The following ZNF804B variants were observed in gnomAD, a reference collection of about 807,000 sequenced individuals.
ZNF804B encodes the protein zinc finger 804B.
ZNF804B carries 80 observed loss-of-function variants against 101.4 expected under a neutral mutation model. The observed-to-expected ratio is 0.79, with a 90% CI of 0.66 to 0.95. The LOEUF (loss-of-function observed/expected upper bound fraction) is 0.95, where lower values mean the gene tolerates loss of function less well. Among genes scored for constraint, ZNF804B ranks in the 40% least tolerant of loss-of-function variants. ZNF804B has a pLI of 0.00. For missense variants in ZNF804B, 1,673 were observed against 1,561.9 expected (o/e 1.07, Z -1.20); for synonymous variants, 622 against 558.8 (o/e 1.11, Z -1.59).
At chr7:88,990,731 T>C (rs1220265190) in intron 1 of ZNF804B, among the ~76,000 whole-genome samples, 2 of 152,154 alleles carry the variant, frequency 1.3e-5, no homozygotes, top group African/African-American at 4.8e-5. Flanking sequence ...TTAATATCTA[T>C]ATTTTGCCAT....
At chr7:89,080,150 G>T (rs911606553) in intron 1 of ZNF804B, among the ~76,000 whole-genome samples, 7 of 151,912 alleles carry the variant, frequency 4.6e-5, no homozygotes, top group African/African-American at 1.7e-4. Context: ...TTGGACCAGG[G>T]CAGTGGTGGT....
rs62464196 is a variant in ZNF804B, at chr7:89,088,441, T to C, written c.109-129714T>C. The stretch of plus-strand genomic sequence containing the variant: ...TTATTGCTTATTTGTGACATGCTTT[T>C]TCTCACTTTTGAAAATGCTTTGTAA... On this transcript the variant is annotated intron_variant, in intron 1 of 3. Transcript: ENST00000333190. Among the ~76,000 whole-genome samples, 1,250 of 151,896 alleles carry C rather than the reference T, an allele frequency of 8.2e-3. 14 individuals carry two copies. Among genetic ancestry groups the C allele is most frequent in the South Asian group, 0.014 (66 of 4,800 alleles).
intron 1 of ZNF804B, among the ~76,000 whole-genome samples, chr7:89,070,791 C>G (rs998244841): frequency 2.0e-5 from 3 of 151,764 alleles, no homozygotes; most frequent in African/African-American, 7.3e-5. Context: ...TTTTTTTTCT[C>G]GAACTCAAGG....
At chr7:89,244,005 A>T (rs1364143512) in intron 2 of ZNF804B, among the ~76,000 whole-genome samples, 1 of 152,004 alleles carries the variant, frequency 6.6e-6, no homozygotes, top group Non-Finnish European at 1.5e-5. Context: ...CATGAGAGGA[A>T]AAAGGATTAC....
chr7:89,015,327 T>A (rs1159899103), intron 1 of ZNF804B, among the ~76,000 whole-genome samples: 1 of 151,322 alleles, frequency 6.6e-6, no homozygotes, highest in African/African-American at 2.4e-5. Flanking sequence ...AATTATTTTA[T>A]TTTTATTTTA....
At chr7:89,317,469 T>G (rs1790750385) in intron 2 of ZNF804B, among the ~76,000 whole-genome samples, 1 of 152,132 alleles carries the variant, frequency 6.6e-6, no homozygotes, top group African/African-American at 2.4e-5. Flanking sequence ...CTGGACTAAG[T>G]GAGGGCTACT....
intron 1 of ZNF804B, among the ~76,000 whole-genome samples, chr7:89,172,789 A>T (rs1791256890): frequency 6.6e-6 from 1 of 152,216 alleles, no homozygotes. Flanking sequence ...GTAATAAAAC[A>T]TGATCTTAGC....
intron 1 of ZNF804B, among the ~76,000 whole-genome samples, chr7:89,060,987 A>T (rs1789370982): frequency 6.6e-6 from 1 of 152,124 alleles, no homozygotes; most frequent in African/African-American, 2.4e-5. Flanking sequence ...CTGTCCTGGT[A>T]TTTCAGATGA....
At chr7:89,039,691 T>C (rs917268810) in intron 1 of ZNF804B, among the ~76,000 whole-genome samples, 1 of 151,884 alleles carries the variant, frequency 6.6e-6, no homozygotes, top group Non-Finnish European at 1.5e-5. Flanking sequence ...ACTTTCAGTA[T>C]AGCATTGCAA....
At chr7:88,796,597 C>T (rs1241490095) in intron 1 of ZNF804B, among the ~76,000 whole-genome samples, 5 of 152,102 alleles carry the variant, frequency 3.3e-5, no homozygotes, top group Non-Finnish European at 7.4e-5. Flanking sequence ...TATGATACTG[C>T]ACTTTCTTGG....
intron 1 of ZNF804B, among the ~76,000 whole-genome samples, chr7:88,892,718 T>C (rs1369013253): frequency 1.3e-5 from 2 of 152,194 alleles, no homozygotes; most frequent in Admixed American, 1.3e-4. Flanking sequence ...AAAATGTTTT[T>C]TCTTTCTCCT....
At chr7:88,964,932 T>A (rs1793433336) in intron 1 of ZNF804B, among the ~76,000 whole-genome samples, 1 of 151,438 alleles carries the variant, frequency 6.6e-6, no homozygotes, top group Admixed American at 6.6e-5. Flanking sequence ...TCCCTAAGTA[T>A]ATATTGTAGT....
At chr7:89,275,012 A>G (rs1192705106) in intron 2 of ZNF804B, among the ~76,000 whole-genome samples, 1 of 151,886 alleles carries the variant, frequency 6.6e-6, no homozygotes, top group Non-Finnish European at 1.5e-5. Context: ...TCTGAAATGA[A>G]TTTGTCTCCT....
intron 1 of ZNF804B, among the ~76,000 whole-genome samples, chr7:88,769,844 T>A (rs564465067): frequency 6.6e-6 from 1 of 152,270 alleles, no homozygotes; most frequent in East Asian, 1.9e-4. Flanking sequence ...TTGTTAGCAA[T>A]TGTCCCTTCT....
chr7:88,858,250 C>G (rs1457199417), intron 1 of ZNF804B, among the ~76,000 whole-genome samples: 1 of 152,188 alleles, frequency 6.6e-6, no homozygotes, highest in African/African-American at 2.4e-5. Flanking sequence ...CTGGGTATTA[C>G]TTTCCTAGTT....
At chr7:89,107,449 A>G (rs563300580) in intron 1 of ZNF804B, among the ~76,000 whole-genome samples, 2 of 152,266 alleles carry the variant, frequency 1.3e-5, no homozygotes, top group South Asian at 4.1e-4. Context: ...TTCAGCCACC[A>G]ACACTCCTTT....
intron 2 of ZNF804B, among the ~76,000 whole-genome samples, chr7:89,232,110 G>A (rs1468429451): frequency 1.3e-5 from 2 of 152,164 alleles, no homozygotes; most frequent in East Asian, 3.9e-4. Flanking sequence ...TTTATTGAGA[G>A]GGTGTTTTAT....
In ZNF804B at chr7:89,274,567, T is replaced by G. The variant is rs117435014; in HGVS notation, c.250-52777T>G. 8.4e-4 allele frequency among the ~76,000 whole-genome samples: 128 copies of G among 151,672 alleles called. 1 individual carries two copies. The East Asian group carries it at 0.018, about 22-fold the overall frequency. On this transcript the variant is annotated intron_variant, in intron 2 of 3. Coordinates refer to ENST00000333190, the MANE Select transcript of ZNF804B (RefSeq NM_181646.5). ...TCTTACTCCCTGCTTCATTCTTAAC[T>G]GGTGACATTTTTCCTATTTAAGTGA...
intron 1 of ZNF804B, among the ~76,000 whole-genome samples, chr7:89,147,085 A>G (rs1007517293): frequency 2.0e-5 from 3 of 147,710 alleles, no homozygotes; most frequent in African/African-American, 7.4e-5. Flanking sequence ...ATAATCAGGT[A>G]TATATATATA....
Sources: allele counts gnomAD v4.1 joint callset (sites outside exome capture counted in the v4.1 genomes callset), GRCh38; gene constraint gnomAD v4.1.1; transcripts MANE v1.5; gene names NCBI Gene and HGNC (gene_info 2026-07-23, HGNC 2026-07-21).